The following RIMS2 variants were observed in gnomAD, a reference collection of about 807,000 sequenced individuals.
The protein encoded by RIMS2 is regulating synaptic membrane exocytosis protein 2.
Under a neutral mutation model 174.4 loss-of-function variants are expected in RIMS2, and 59 were observed. That is an observed-to-expected ratio of 0.34 (90% CI 0.27 to 0.42). The LOEUF (loss-of-function observed/expected upper bound fraction) is 0.42, where lower values mean the gene tolerates loss of function less well. RIMS2 is among the 10% of genes least tolerant of loss of function. The pLI, the probability that RIMS2 is intolerant of heterozygous loss-of-function variation, is 1.00. For missense variants in RIMS2, 1,620 were observed against 1,666.3 expected, an observed-to-expected ratio of 0.97 and a Z score of 0.48; for synonymous variants, 606 against 572.5, an observed-to-expected ratio of 1.06 and a Z score of -0.84.
chr8:104,212,381 A>G (rs114740423), intron 19 of RIMS2, among the ~76,000 whole-genome samples: 1,696 of 152,300 alleles, frequency 0.011, 27 homozygotes, highest in African/African-American at 0.038. Context: ...AGGATGCCAC[A>G]AAGATAGGAA....
chr8:103,697,236 A>C, exon 2 of RIMS2: 1 of 1,613,842 alleles, frequency 6.2e-7, no homozygotes, highest in Non-Finnish European at 8.5e-7. Context: ...ATAACTGTTC[A>C]TATTGCCAAA....
chr8:103,730,641 T>C (rs2097580188), intron 2 of RIMS2, among the ~76,000 whole-genome samples: 1 of 152,234 alleles, frequency 6.6e-6, no homozygotes, highest in Non-Finnish European at 1.5e-5. Flanking sequence ...ATTGGTGTAA[T>C]CTTTTGTGTT....
chr8:103,563,428 A>G (rs566801291), intron 1 of RIMS2, among the ~76,000 whole-genome samples: 1 of 152,322 alleles, frequency 6.6e-6, no homozygotes, highest in East Asian at 1.9e-4. Context: ...TTGCTAAAAC[A>G]TAACAATAGT....
chr8:103,504,104 T>C (rs952170923), intron 1 of RIMS2, among the ~76,000 whole-genome samples: 4 of 152,146 alleles, frequency 2.6e-5, no homozygotes, highest in Middle Eastern at 3.2e-3. Context: ...CATGTATTGC[T>C]GTAGCAGTTT....
Position 103,970,131 on chromosome 8 carries a change from T to A in RIMS2, c.2771-5219T>A, listed in dbSNP as rs528496836. ...TAAAAGAAATTGCTGTAAATAGGCC[T>A]TTAGTAATGTGCTGGTAAGGTCGGG... On this transcript the variant is annotated intron_variant, in intron 15 of 23. Transcript: ENST00000504942. Among the ~76,000 whole-genome samples the A allele has an allele frequency of 1.3e-4, 20 of 152,284 alleles. No individual in the cohort carries two copies. The South Asian group carries it at 3.9e-3, about 30-fold the overall frequency.
chr8:103,911,322 TG>T (rs2075631380), intron 5 of RIMS2, among the ~76,000 whole-genome samples: 1 of 152,142 alleles, frequency 6.6e-6, no homozygotes, highest in Non-Finnish European at 1.5e-5. Context: ...GAAAGAATAA[TG>T]TTTTCAAGGT....
intron 3 of RIMS2, among the ~76,000 whole-genome samples, chr8:103,826,144 TA>T (rs2098789474): frequency 6.6e-6 from 1 of 152,166 alleles, no homozygotes; most frequent in African/African-American, 2.4e-5. Flanking sequence ...TTTATATATA[TA>T]AAATGTATGT....
At chr8:103,846,007 A>G (rs1300384612) in intron 3 of RIMS2, among the ~76,000 whole-genome samples, 2 of 152,116 alleles carry the variant, frequency 1.3e-5, no homozygotes, top group Non-Finnish European at 2.9e-5. Context: ...AACCATTCTT[A>G]AACTAGGCCT....
chr8:103,573,459 C>T (rs1273377331), intron 1 of RIMS2, among the ~76,000 whole-genome samples: 1 of 152,082 alleles, frequency 6.6e-6, no homozygotes, highest in Non-Finnish European at 1.5e-5. Context: ...TTGTTTATTA[C>T]TATTTATTGA....
intron 19 of RIMS2, among the ~76,000 whole-genome samples, chr8:104,159,683 T>C (rs1228868607): frequency 6.6e-6 from 1 of 152,212 alleles, no homozygotes; most frequent in Non-Finnish European, 1.5e-5. Flanking sequence ...ATTAGTGGTA[T>C]TGAGCATCTT....
At chr8:103,686,138 T>C (rs2096937711) in intron 1 of RIMS2, among the ~76,000 whole-genome samples, 1 of 152,174 alleles carries the variant, frequency 6.6e-6, no homozygotes, top group South Asian at 2.1e-4. Flanking sequence ...TGTTCATTGC[T>C]ACTAAATACA....
downstream of RIMS2, chr8:104,255,912 G>A (rs1335639723): frequency 6.6e-6 from 1 of 152,128 alleles, no homozygotes; most frequent in Non-Finnish European, 1.5e-5. Context: ...CCCTGACTCA[G>A]GTCACTTAAT....
intron 3 of RIMS2, among the ~76,000 whole-genome samples, chr8:103,851,844 T>C (rs1275135832): frequency 6.6e-6 from 1 of 151,944 alleles, no homozygotes; most frequent in African/African-American, 2.4e-5. Context: ...TGCAAGGACA[T>C]GTAGAATATG....
chr8:103,681,132 A>G (rs373728587), intron 1 of RIMS2, among the ~76,000 whole-genome samples: 4 of 152,030 alleles, frequency 2.6e-5, no homozygotes, highest in Admixed American at 2.0e-4. Flanking sequence ...TGCAGCAACT[A>G]TAGGGGTAAA....
At chr8:103,648,411 A>G (rs574478055) in intron 1 of RIMS2, among the ~76,000 whole-genome samples, 2 of 152,222 alleles carry the variant, frequency 1.3e-5, no homozygotes, top group South Asian at 2.1e-4. Flanking sequence ...AGAAGAATGT[A>G]TATTCTGTTC....
At chr8:103,816,049 A>G (rs1193142577) in intron 3 of RIMS2, among the ~76,000 whole-genome samples, 2 of 152,190 alleles carry the variant, frequency 1.3e-5, no homozygotes, top group East Asian at 1.9e-4. Context: ...AGTCTCCAAT[A>G]TTTATGTTAC....
At chr8:103,669,086 C>T (rs893007428) in intron 1 of RIMS2, among the ~76,000 whole-genome samples, 1 of 152,112 alleles carries the variant, frequency 6.6e-6, no homozygotes, top group South Asian at 2.1e-4. Context: ...GTTTAATGGA[C>T]TCATAGTTTG....
chr8:103,696,540 CAT>C (rs2097102676), intron 1 of RIMS2, among the ~76,000 whole-genome samples: 1 of 151,924 alleles, frequency 6.6e-6, no homozygotes, highest in Non-Finnish European at 1.5e-5. Flanking sequence ...TTTCCATAAA[CAT>C]ATTATATTAA....
chr8:103,577,071 A>C (rs1439350455), intron 1 of RIMS2, among the ~76,000 whole-genome samples: 1 of 152,242 alleles, frequency 6.6e-6, no homozygotes, highest in Non-Finnish European at 1.5e-5. Flanking sequence ...CAAAATTGAC[A>C]AATGGGATCT....
Sources: gnomAD v4.1 joint callset for allele counts (sites outside exome capture counted in the v4.1 genomes callset) on GRCh38, gnomAD v4.1.1 for gene constraint, MANE v1.5 for transcripts, NCBI Gene and HGNC (gene_info 2026-07-23, HGNC 2026-07-21) for gene names.